Variants in CA10 observed in about 807,000 individuals in gnomAD.
CA10 encodes carbonic anhydrase-related protein 10.
CA10 carries 14 observed loss-of-function variants against 44.2 expected under a neutral mutation model. The observed-to-expected ratio is 0.32, with a 90% CI of 0.21 to 0.50. The LOEUF (loss-of-function observed/expected upper bound fraction) is 0.50. CA10 is among the 20% of genes least tolerant of loss of function. The probability of loss-of-function intolerance (pLI) is 0.99; values close to 1 mark genes in which losing one functional copy is unlikely to be tolerated. For missense variants in CA10, 350 were observed against 409.7 expected, an observed-to-expected ratio of 0.85 and a Z score of 1.26; for synonymous variants, 159 against 141.6, an observed-to-expected ratio of 1.12 and a Z score of -0.87.
intron 4 of CA10, among the ~76,000 whole-genome samples, chr17:51,717,719 G>A (rs567637099): frequency 5.8e-5 from 1 of 17,142 alleles, no homozygotes; most frequent in African/African-American, 1.9e-4. Context: ...ACATATATAC[G>A]TATATATACA....
At chr17:51,854,982 G>A (rs768370088) in intron 3 of CA10, among the ~76,000 whole-genome samples, 51 of 152,172 alleles carry the variant, frequency 3.4e-4, no homozygotes, top group Non-Finnish European at 5.7e-4. Context: ...TAACTCCAGA[G>A]TCAGTGCTCT....
At chr17:51,667,630 G>A (rs1416685585) in intron 4 of CA10, among the ~76,000 whole-genome samples, 2 of 151,746 alleles carry the variant, frequency 1.3e-5, no homozygotes, top group Non-Finnish European at 2.9e-5. Flanking sequence ...TGTGGTCATT[G>A]AATGTCACTT....
At chr17:51,754,174 AG>A (rs766492452) in intron 3 of CA10, among the ~76,000 whole-genome samples, 11 of 151,828 alleles carry the variant, frequency 7.2e-5, no homozygotes, top group East Asian at 3.9e-4. Context: ...GTAATATTAC[AG>A]CATTTTCTTC....
chr17:51,828,533 A>C (rs557601848), intron 3 of CA10, among the ~76,000 whole-genome samples: 2 of 152,202 alleles, frequency 1.3e-5, no homozygotes, highest in African/African-American at 4.8e-5. Context: ...TACTAAAAAA[A>C]AAATTTACTG....
Position 51,924,439 on chromosome 17 carries a change from T to C in CA10, c.279+6551A>G, listed in dbSNP as rs79234932. On this transcript the variant is annotated intron_variant, in intron 3 of 8. Coordinates refer to ENST00000451037, the MANE Select transcript of CA10 (RefSeq NM_020178.5). The stretch of plus-strand genomic sequence containing the variant: ...TACCTGATTTATAAGCAATTAAGAG[T>C]TTTATTAGCTCGTATTTATTTCATG... Among the ~76,000 whole-genome samples the C allele has an allele frequency of 2.3e-3, 346 of 152,094 alleles. No homozygotes were observed. In the Middle Eastern group the frequency reaches 0.041, roughly 18 times the overall value.
chr17:51,804,316 T>C (rs1907047122), intron 3 of CA10, among the ~76,000 whole-genome samples: 3 of 152,218 alleles, frequency 2.0e-5, no homozygotes, highest in African/African-American at 7.2e-5. Context: ...AATTTTGACC[T>C]ATCACTGTCC....
chr17:51,940,505 G>T (rs1429796150), intron 2 of CA10, among the ~76,000 whole-genome samples: 1 of 151,914 alleles, frequency 6.6e-6, no homozygotes, highest in African/African-American at 2.4e-5. Flanking sequence ...AGGTAGTTAG[G>T]TACTTCAGTC....
chr17:51,680,514 G>C (rs1014367864), intron 4 of CA10, among the ~76,000 whole-genome samples: 2 of 152,192 alleles, frequency 1.3e-5, no homozygotes, highest in Non-Finnish European at 2.9e-5. Flanking sequence ...TGGATTTCTG[G>C]GTGAGCATTT....
chr17:51,856,033 A>G (rs747782606), intron 3 of CA10, among the ~76,000 whole-genome samples: 1 of 152,186 alleles, frequency 6.6e-6, no homozygotes, highest in Non-Finnish European at 1.5e-5. Context: ...CTGAGCAGGC[A>G]TGCACCTGTG....
intron 3 of CA10, among the ~76,000 whole-genome samples, chr17:51,905,526 C>CTTT (rs34606778): frequency 2.8e-4 from 28 of 99,794 alleles, no homozygotes; most frequent in African/African-American, 7.6e-4. Flanking sequence ...CCTATCAGTC[C>CTTT]TTTTTTTTTT....
chr17:52,021,535 G>C (rs564689071), intron 2 of CA10, among the ~76,000 whole-genome samples: 2 of 151,888 alleles, frequency 1.3e-5, no homozygotes, highest in African/African-American at 4.8e-5. Context: ...ACTTTGATTT[G>C]CATTTCTCTG....
intron 3 of CA10, among the ~76,000 whole-genome samples, chr17:51,793,922 T>C (rs1220241167): frequency 6.6e-6 from 1 of 152,216 alleles, no homozygotes; most frequent in East Asian, 1.9e-4. Flanking sequence ...CAATGCAGTC[T>C]GATGAGGATT....
intron 2 of CA10, among the ~76,000 whole-genome samples, chr17:51,997,585 A>G (rs889839743): frequency 2.0e-5 from 3 of 152,064 alleles, no homozygotes; most frequent in Admixed American, 6.6e-5. Context: ...GAAATTTGCA[A>G]TCATGCTCAG....
At chr17:51,841,663 C>A (rs570842357) in intron 3 of CA10, among the ~76,000 whole-genome samples, 58 of 152,318 alleles carry the variant, frequency 3.8e-4, no homozygotes, top group African/African-American at 1.3e-3. Flanking sequence ...TCCCTCCAAG[C>A]AAAGCACACA....
At chr17:51,974,815 A>C (rs1327662697) in intron 2 of CA10, among the ~76,000 whole-genome samples, 4 of 152,192 alleles carry the variant, frequency 2.6e-5, no homozygotes, top group Non-Finnish European at 5.9e-5. Context: ...TAGGGCTGAA[A>C]AAAACTCTTG....
At chr17:51,909,233 C>T (rs1216603707) in intron 3 of CA10, among the ~76,000 whole-genome samples, 4 of 152,242 alleles carry the variant, frequency 2.6e-5, no homozygotes, top group South Asian at 4.1e-4. Context: ...TTTTTTCCAG[C>T]TAAAGCAATA....
intron 3 of CA10, among the ~76,000 whole-genome samples, chr17:51,885,693 A>T (rs1008685891): frequency 1.3e-5 from 2 of 152,166 alleles, no homozygotes; most frequent in African/African-American, 4.8e-5. Flanking sequence ...GACAACACAA[A>T]TCTTCTCCAT....
intron 2 of CA10, among the ~76,000 whole-genome samples, chr17:51,976,830 CT>C (rs1984481295): frequency 6.6e-6 from 1 of 151,756 alleles, no homozygotes; most frequent in African/African-American, 2.4e-5. Flanking sequence ...ATTAATAAAA[CT>C]CATCACGATG....
intron 1 of CA10, among the ~76,000 whole-genome samples, chr17:52,116,453 G>A (rs1405736674): frequency 6.6e-6 from 1 of 152,120 alleles, no homozygotes; most frequent in Non-Finnish European, 1.5e-5. Context: ...GGCGGGACAT[G>A]GAGTTCATGG....
Sources: gnomAD v4.1 joint callset for allele counts (sites outside exome capture counted in the v4.1 genomes callset) on GRCh38, gnomAD v4.1.1 for gene constraint, MANE v1.5 for transcripts, NCBI Gene and HGNC (gene_info 2026-07-23, HGNC 2026-07-21) for gene names.